KRAS: variants seen among roughly 807,000 people sequenced by gnomAD.
KRAS encodes KRas proto-oncogene, GTPase, also known as GTPase KRas.
KRAS carries 1 observed loss-of-function variant against 21.0 expected under a neutral mutation model. The observed-to-expected ratio is 0.05, with a 90% CI of 0.02 to 0.23. The LOEUF is 0.23. Ranked by LOEUF, KRAS falls within the 10% of genes least tolerant of loss-of-function variation. KRAS has a pLI of 1.00. For missense variants in KRAS, 107 were observed against 221.8 expected (o/e 0.48, Z 3.29); for synonymous variants, 67 against 72.5 (o/e 0.92, Z 0.39).
rs540270914 is a variant in KRAS, at chr12:25,235,686, C to A, written c.112-8274G>T. 3.9e-5 allele frequency among the ~76,000 whole-genome samples: 6 copies of A among 152,192 alleles called. No homozygotes were observed. In the South Asian group the frequency reaches 1.2e-3, roughly 32 times the overall value. On this transcript the variant is annotated intron_variant, in intron 2 of 4. Coordinates refer to ENST00000311936, the MANE Select transcript of KRAS (RefSeq NM_004985.5). ...ACGGGGAGGGGAAGGACATTCCAAGCAGGAAGGAGCAAACAGAATGTAAAA... is the reference window on the plus strand; with the variant it reads ...ACGGGGAGGGGAAGGACATTCCAAGAAGGAAGGAGCAAACAGAATGTAAAA...
Position 25,225,714 on chromosome 12 carries a change from T to C in KRAS, c.350A>G (p.Lys117Arg). The change falls in exon 4 of 5, where the codon AAA becomes AGA. Residue 117 changes from lysine to arginine, a missense_variant. Lys to Arg is a conservative substitution (Grantham distance 26). Coordinates refer to ENST00000311936, the MANE Select transcript of KRAS (RefSeq NM_004985.5). ...EDVPMVLVGN[K>R]CDLPSRTVDT... ...TACTGTTCTAGAAGGCAAATCACAT[T>C]TATTTCCTACTAGGACCATAGGTAC... 1 of 1,613,054 alleles carries C rather than the reference T, an allele frequency of 6.2e-7. No homozygotes were observed.
chr12:25,237,125 G>C (rs1951553771), intron 2 of KRAS, among the ~76,000 whole-genome samples: 1 of 152,152 alleles, frequency 6.6e-6, no homozygotes, highest in East Asian at 1.9e-4. Context: ...ATCATCCTGT[G>C]TGGAGGATGC....
chr12:25,242,359 C>T (rs969079092), intron 2 of KRAS, among the ~76,000 whole-genome samples: 10 of 151,762 alleles, frequency 6.6e-5, no homozygotes, highest in East Asian at 5.8e-4. Context: ...TTTTTTAAAA[C>T]GAGACTTTTC....
At chr12:25,233,709 C>T (rs539476802) in intron 2 of KRAS, 12 of 210,176 alleles carry the variant, frequency 5.7e-5, no homozygotes, top group Non-Finnish European at 7.7e-5. Flanking sequence ...CTTTAAACTC[C>T]GTGTTGGTAG....
chr12:25,247,188 CTATT>C lies in KRAS; in HGVS notation c.-11-1797_-11-1794del, dbSNP rs201085783. Among the ~76,000 whole-genome samples the C allele has an allele frequency of 4.2e-3, 635 of 152,196 alleles. 6 individuals carry two copies. The highest frequency in any genetic ancestry group is 0.015 in the African/African-American group (604 of 41,518). On this transcript the variant is annotated intron_variant, in intron 1 of 4. Coordinates refer to ENST00000311936, the MANE Select transcript of KRAS (RefSeq NM_004985.5). ...GAAAAAAATGGGAGTAAATGCACAA[CTATT>C]TATTATAGGATGAGTAGCTCCAAAT... is the stretch of plus-strand genomic sequence containing the variant.
chr12:25,211,658 T>C (rs1378767701), intron 4 of KRAS, among the ~76,000 whole-genome samples: 1 of 152,188 alleles, frequency 6.6e-6, no homozygotes, highest in Non-Finnish European at 1.5e-5. Context: ...AAAATAAATC[T>C]GGAGCATGAA....
At chr12:25,228,282 T>G (rs561658832) in intron 2 of KRAS, among the ~76,000 whole-genome samples, 1 of 147,736 alleles carries the variant, frequency 6.8e-6, no homozygotes, top group South Asian at 2.2e-4. Context: ...ACCCAACGTG[T>G]TGGGATTACA....
chr12:25,226,582 A>T (rs1218368083), intron 3 of KRAS, among the ~76,000 whole-genome samples: 1 of 152,202 alleles, frequency 6.6e-6, no homozygotes, highest in Non-Finnish European at 1.5e-5. Context: ...CTTAAATAAA[A>T]TGTTAAACTT....
At chr12:25,250,632 G>GCCCCCCACC in intron 1 of KRAS, 119 bp downstream of exon 1, 1 of 143,842 alleles carries the variant, frequency 7.0e-6, no homozygotes, top group Non-Finnish European at 1.5e-5. Flanking sequence ...CCGCGCCCGC[G>GCCCCCCACC]CCCCCCACCC....
At chr12:25,245,579 G>A (rs931759992) in intron 1 of KRAS, among the ~76,000 whole-genome samples, 184 bp from the exon 2 acceptor site, 3 of 152,160 alleles carry the variant, frequency 2.0e-5, no homozygotes, top group African/African-American at 7.2e-5. Context: ...GTATCGTAAT[G>A]AACTGTACTT....
At chr12:25,218,012 AGC>A in intron 4 of KRAS, among the ~76,000 whole-genome samples, 1 of 152,224 alleles carries the variant, frequency 6.6e-6, no homozygotes, top group Non-Finnish European at 1.5e-5. Flanking sequence ...TTCATTAATA[AGC>A]AACATAAATA....
At chr12:25,246,098 G>A (rs748052409) in intron 1 of KRAS, among the ~76,000 whole-genome samples, 5 of 143,842 alleles carry the variant, frequency 3.5e-5, no homozygotes, top group Admixed American at 2.9e-4. Flanking sequence ...GCAATGAGCC[G>A]AGATGGCGCC....
intron 4 of KRAS, among the ~76,000 whole-genome samples, chr12:25,223,077 T>C (rs1266432255): frequency 1.3e-5 from 2 of 152,346 alleles, no homozygotes; most frequent in East Asian, 3.9e-4. Flanking sequence ...CTGATTTGTA[T>C]GCATAAGAAA....
At chr12:25,225,286 T>TTATTTTTTTATA (rs1486092988) in intron 4 of KRAS, 5 of 10,622 alleles carry the variant, frequency 4.7e-4, no homozygotes, top group South Asian at 2.4e-3. Flanking sequence ...GCCCTGTTCT[T>TTATTTTTTTATA]TATATATATA....
chr12:25,206,660 C>G lies in KRAS; in HGVS notation c.*3135G>C, dbSNP rs1276050392. On this transcript the variant is annotated 3_prime_UTR_variant, in exon 5 of 5. Coordinates refer to ENST00000311936, the MANE Select transcript of KRAS (RefSeq NM_004985.5). The stretch of plus-strand genomic sequence containing the variant: ...TGTAGAAACGAGGTACTGTGTAAGT[C>G]TTAACACCCTACCTAAACAGTGTTC... 4 of 201,136 alleles carry G rather than the reference C, an allele frequency of 2.0e-5. No homozygotes were observed. The highest frequency in any genetic ancestry group is 4.1e-5 in the Non-Finnish European group (4 of 97,870). 12.5% of individuals were successfully genotyped at this position (201,136 alleles called of 1,614,324 possible).
At chr12:25,238,791 C>G (rs536642935) in intron 2 of KRAS, among the ~76,000 whole-genome samples, 1 of 152,300 alleles carries the variant, frequency 6.6e-6, no homozygotes, top group South Asian at 2.1e-4. Context: ...ATAATTTATT[C>G]ACCCATTCTC....
chr12:25,228,178 CTTTTTTTT>C (rs34584556), intron 2 of KRAS, among the ~76,000 whole-genome samples: 2 of 76,776 alleles, frequency 2.6e-5, no homozygotes, highest in South Asian at 5.6e-4. Context: ...TTTCTTTCAT[CTTTTTTTT>C]TTTTTTTTTT....
chr12:25,244,085 A>G (rs1027917362), intron 2 of KRAS, among the ~76,000 whole-genome samples: 1 of 152,184 alleles, frequency 6.6e-6, no homozygotes, highest in African/African-American at 2.4e-5. Context: ...AACTGCATAA[A>G]TATCTTCCCA....
intron 4 of KRAS, among the ~76,000 whole-genome samples, chr12:25,210,432 T>C (rs2141482315): frequency 6.6e-6 from 1 of 152,318 alleles, no homozygotes; most frequent in Non-Finnish European, 1.5e-5. Flanking sequence ...TCGAACATCC[T>C]ATTCCAATAA....
Sources: allele counts gnomAD v4.1 joint callset (sites outside exome capture counted in the v4.1 genomes callset), GRCh38; gene constraint gnomAD v4.1.1; transcripts MANE v1.5; gene names NCBI Gene and HGNC (gene_info 2026-07-23, HGNC 2026-07-21).